RAPGEF5: variants seen among roughly 807,000 people sequenced by gnomAD.
RAPGEF5 encodes M-Ras-regulated GEF.
A neutral mutation model predicts 125.2 loss-of-function variants in RAPGEF5; 65 were observed. That is an observed-to-expected ratio of 0.52 (90% CI 0.43 to 0.64). RAPGEF5 has a LOEUF of 0.64. RAPGEF5 is among the 30% of genes least tolerant of loss of function. RAPGEF5 has a pLI of 0.00. For missense variants in RAPGEF5, 958 were observed against 1,048.1 expected (o/e 0.91, Z 1.19); for synonymous variants, 391 against 385.9 (o/e 1.01, Z -0.16).
chr7:22,326,537 G>A (rs900276814), intron 1 of RAPGEF5, among the ~76,000 whole-genome samples: 5 of 152,176 alleles, frequency 3.3e-5, no homozygotes, highest in African/African-American at 1.2e-4. Context: ...AACAGGAAGA[G>A]CTGTATAATC....
chr7:22,299,666 C>T (rs1248981847), intron 5 of RAPGEF5, among the ~76,000 whole-genome samples: 1 of 152,062 alleles, frequency 6.6e-6, no homozygotes, highest in Non-Finnish European at 1.5e-5. Flanking sequence ...CTTTTAGAAA[C>T]AGTCAGCTAG....
chr7:22,217,310 A>G (rs1785662196), intron 9 of RAPGEF5, among the ~76,000 whole-genome samples: 1 of 152,226 alleles, frequency 6.6e-6, no homozygotes. Flanking sequence ...TCCTCTGTCC[A>G]TGCTGTGTGT....
chr7:22,219,787 T>A, intron 9 of RAPGEF5, 79 bp downstream of exon 9: 1 of 1,468,618 alleles, frequency 6.8e-7, no homozygotes, highest in Non-Finnish European at 9.1e-7. Flanking sequence ...AATAAAATAG[T>A]CTTTCGTTCA....
intron 1 of RAPGEF5, among the ~76,000 whole-genome samples, chr7:22,348,641 A>C (rs1784269970): frequency 6.6e-6 from 1 of 152,098 alleles, no homozygotes; most frequent in Non-Finnish European, 1.5e-5. Context: ...GCTGACAGCT[A>C]CTCTGCTCAA....
At chr7:22,323,082 T>C (rs972310379) in intron 1 of RAPGEF5, among the ~76,000 whole-genome samples, 7 of 152,230 alleles carry the variant, frequency 4.6e-5, no homozygotes, top group Non-Finnish European at 8.8e-5. Context: ...CAGCAAATCC[T>C]GTCCTGCACC....
chr7:22,317,829 G>A (rs536483085), intron 2 of RAPGEF5, among the ~76,000 whole-genome samples, 158 bp downstream of exon 2: 1 of 152,224 alleles, frequency 6.6e-6, no homozygotes, highest in African/African-American at 2.4e-5. Flanking sequence ...CACTTTTGCT[G>A]TGTCATCCCA....
intron 7 of RAPGEF5, among the ~76,000 whole-genome samples, chr7:22,242,942 C>T (rs1262791911): frequency 2.3e-5 from 3 of 129,380 alleles, no homozygotes; most frequent in Non-Finnish European, 4.7e-5. Context: ...AGTGAAACTC[C>T]GTCTCAAAAA....
rs1480701650 is a variant in RAPGEF5, at chr7:22,120,567, A to T, written c.*1839T>A. On this transcript the variant is annotated 3_prime_UTR_variant, in exon 26 of 26. Transcript: ENST00000665637. This position sits in a 1 kb window ranked among gnomAD's most constrained non-coding sequence, Gnocchi z 4.0. Reference sequence around the variant, plus strand: ...CCATGCTATTGTTAGTAACTGCGTGAGGAGGGCTTTGGAGGGTTTGCTCAG... The same window carrying T: ...CCATGCTATTGTTAGTAACTGCGTGTGGAGGGCTTTGGAGGGTTTGCTCAG... 1 of 152,684 alleles carries T rather than the reference A, an allele frequency of 6.5e-6. No homozygotes were observed. The highest frequency in any genetic ancestry group is 1.5e-5 in the Non-Finnish European group (1 of 68,076). 9.5% of individuals were successfully genotyped at this position (152,684 alleles called of 1,614,324 possible). A position where few individuals can be genotyped will look rare whatever the true frequency, so the allele number is the denominator to read the frequency against.
intron 11 of RAPGEF5, 88 bp from the exon 12 acceptor site, chr7:22,167,236 T>C (rs17709607): frequency 0.13 from 119,102 of 948,820 alleles, 8,186 homozygotes; most frequent in Admixed American, 0.19. Context: ...ACCATGTGCA[T>C]GGCAGAAATA....
chr7:22,338,891 A>C (rs568325955), intron 1 of RAPGEF5, among the ~76,000 whole-genome samples: 246 of 152,328 alleles, frequency 1.6e-3, no homozygotes, highest in African/African-American at 5.6e-3. Context: ...TCAGGTGAGG[A>C]TCAGGCGTTT....
intron 1 of RAPGEF5, among the ~76,000 whole-genome samples, chr7:22,345,817 G>A (rs924020024): frequency 6.6e-6 from 1 of 151,694 alleles, no homozygotes; most frequent in African/African-American, 2.4e-5. Flanking sequence ...AGACACATAG[G>A]GTTGCTGCCA....
chr7:22,344,107 A>G (rs1387936988), intron 1 of RAPGEF5, among the ~76,000 whole-genome samples: 1 of 152,150 alleles, frequency 6.6e-6, no homozygotes, highest in Non-Finnish European at 1.5e-5. Context: ...GAAGCCCAGC[A>G]TCACTTTCAA....
chr7:22,194,710 G>A (rs1015587626), intron 9 of RAPGEF5: 1 of 985,296 alleles, frequency 1.0e-6, no homozygotes, highest in African/African-American at 1.7e-5. Context: ...ATGGATGACT[G>A]CACAGACTTT....
intron 9 of RAPGEF5, among the ~76,000 whole-genome samples, chr7:22,213,112 A>G (rs1273688267): frequency 2.0e-5 from 3 of 152,346 alleles, no homozygotes; most frequent in African/African-American, 7.2e-5. Context: ...AAAAAATAGC[A>G]TAATGACAAA....
At chr7:22,250,737 A>C (rs999300764) in intron 7 of RAPGEF5, among the ~76,000 whole-genome samples, 5 of 152,214 alleles carry the variant, frequency 3.3e-5, no homozygotes, top group Non-Finnish European at 5.9e-5. Flanking sequence ...GAAGGAAAAT[A>C]AATGATTAGT....
chr7:22,332,322 G>C (rs1783938726), intron 1 of RAPGEF5, among the ~76,000 whole-genome samples: 2 of 152,158 alleles, frequency 1.3e-5, no homozygotes, highest in East Asian at 3.8e-4. Flanking sequence ...ATTTCAGTAA[G>C]GTTTTCAATG....
At chr7:22,200,419 G>A (rs1246236954) in intron 9 of RAPGEF5, among the ~76,000 whole-genome samples, 2 of 152,120 alleles carry the variant, frequency 1.3e-5, no homozygotes, top group East Asian at 1.9e-4. Context: ...AGACTCACCC[G>A]ACCACAAAGG....
intron 5 of RAPGEF5, among the ~76,000 whole-genome samples, chr7:22,301,365 C>T (rs542976766): frequency 6.6e-6 from 1 of 152,228 alleles, no homozygotes; most frequent in Admixed American, 6.5e-5. Context: ...CCTGTAATCT[C>T]CGAACTTTGG....
intron 11 of RAPGEF5, among the ~76,000 whole-genome samples, chr7:22,170,269 G>T (rs1784309595): frequency 6.6e-6 from 1 of 152,162 alleles, no homozygotes; most frequent in Admixed American, 6.5e-5. Flanking sequence ...TGGCTGGGCT[G>T]GTCTCAAACT....
Sources: gnomAD v4.1 joint callset for allele counts (sites outside exome capture counted in the v4.1 genomes callset) on GRCh38, gnomAD v4.1.1 for gene constraint, Gnocchi (gnomAD v3.1) non-coding constraint, MANE v1.5 for transcripts, NCBI Gene and HGNC (gene_info 2026-07-23, HGNC 2026-07-21) for gene names.